Variants in FAM204A observed in about 807,000 individuals in gnomAD.
The protein encoded by FAM204A is protein FAM204A.
FAM204A carries 16 observed loss-of-function variants against 35.4 expected under a neutral mutation model. The observed-to-expected ratio is 0.45, with a 90% CI of 0.31 to 0.69. The LOEUF (loss-of-function observed/expected upper bound fraction) is 0.69, where lower values mean the gene tolerates loss of function less well. FAM204A is among the 30% of genes least tolerant of loss of function. The pLI, the probability that FAM204A is intolerant of heterozygous loss-of-function variation, is 0.07. For synonymous variants in FAM204A, 76 were observed against 86.9 expected, an observed-to-expected ratio of 0.88 and a Z score of 0.70; for missense variants, 240 against 265.7, an observed-to-expected ratio of 0.90 and a Z score of 0.67.
intron 2 of FAM204A, among the ~76,000 whole-genome samples, chr10:118,337,816 G>C (rs566308470): frequency 6.6e-6 from 1 of 152,232 alleles, no homozygotes; most frequent in Admixed American, 6.5e-5. Flanking sequence ...GGTCCTAGGG[G>C]CTCAATAAAT....
intron 2 of FAM204A, among the ~76,000 whole-genome samples, chr10:118,340,958 G>T (rs1024160416): frequency 1.3e-5 from 2 of 152,204 alleles, no homozygotes; most frequent in South Asian, 2.1e-4. Context: ...CGGGGACAAG[G>T]ATTTGCGACT....
chr10:118,302,080 T>A lies in FAM204A; in HGVS notation c.*8777A>T, dbSNP rs1845813950. The A allele has an allele frequency of 6.6e-6, 1 of 152,292 alleles. No individual in the cohort carries two copies. The highest frequency in any genetic ancestry group is 6.5e-5 in the Admixed American group (1 of 15,282). 9.4% of individuals were successfully genotyped at this position (152,292 alleles called of 1,614,324 possible). A position where few individuals can be genotyped will look rare whatever the true frequency, so the allele number is the denominator to read the frequency against. On this transcript the variant is annotated 3_prime_UTR_variant, in exon 9 of 9. Coordinates refer to ENST00000369183, the MANE Select transcript of FAM204A (RefSeq NM_022063.3). ...CGCCTGAGCACTTGCATCTCTATAT[T>A]TCCTAGGTGATGTTGTGTGACACTG...
intron 7 of FAM204A, among the ~76,000 whole-genome samples, chr10:118,324,056 C>T (rs980690612): frequency 4.6e-5 from 7 of 152,070 alleles, no homozygotes; most frequent in African/African-American, 9.7e-5. Flanking sequence ...TTTATGGCAC[C>T]ATTCAACACA....
chr10:118,301,642 G>C lies in FAM204A; in HGVS notation c.*9215C>G, dbSNP rs1219696924. ...CCTTGCTTCCAAGACGTGTAGAAAT[G>C]CAAGAATTGTCCAGAGAATTGTCTC... On this transcript the variant is annotated 3_prime_UTR_variant, in exon 9 of 9. Transcript: ENST00000369183. The C allele has an allele frequency of 6.6e-6, 1 of 152,132 alleles. No individual in the cohort carries two copies. The highest frequency in any genetic ancestry group is 2.4e-5 in the African/African-American group (1 of 41,426). The allele number at this position is 152,132 out of a possible 1,614,324, so 9.4% of individuals were successfully genotyped here. A position where few individuals can be genotyped will look rare whatever the true frequency, so the allele number is the denominator to read the frequency against.
At chr10:118,340,292 G>A (rs941444136) in intron 2 of FAM204A, among the ~76,000 whole-genome samples, 1 of 152,170 alleles carries the variant, frequency 6.6e-6, no homozygotes, top group Non-Finnish European at 1.5e-5. Flanking sequence ...AACCGTTCTA[G>A]ATTGTGCACT....
rs1257714400 is a variant in FAM204A at position 118,299,159 on chromosome 10, G to A, written c.*11698C>T. The A allele has an allele frequency of 2.0e-5, 3 of 152,130 alleles. No homozygotes were observed. The highest frequency in any genetic ancestry group is 7.2e-5 in the African/African-American group (3 of 41,406). The allele number at this position is 152,130 out of a possible 1,614,324, so 9.4% of individuals were successfully genotyped here. ...GGAAAACTGTCTGCCTGATTCTTGA[G>A]TATGCTAATGCCTACACTTTCATCT... On this transcript the variant is annotated 3_prime_UTR_variant, in exon 9 of 9. Coordinates refer to ENST00000369183, the MANE Select transcript of FAM204A (RefSeq NM_022063.3).
In FAM204A at chr10:118,302,615, T is replaced by C. The variant is rs1331254322; in HGVS notation, c.*8242A>G. On this transcript the variant is annotated 3_prime_UTR_variant, in exon 9 of 9. Transcript: ENST00000369183. ...ATTTTCTTTTTCTCTTTTTGAGCAC[T>C]GCTGGCAAGGAAGCAAGTACCAAGC... The C allele has an allele frequency of 1.3e-5, 2 of 152,242 alleles. No homozygotes were observed. The highest frequency in any genetic ancestry group is 4.8e-5 in the African/African-American group (2 of 41,468). The allele number at this position is 152,242 out of a possible 1,614,324, so 9.4% of individuals were successfully genotyped here.
chr10:118,338,214 A>T (rs1241554126), intron 2 of FAM204A, among the ~76,000 whole-genome samples: 5 of 152,218 alleles, frequency 3.3e-5, no homozygotes, highest in Non-Finnish European at 7.3e-5. Context: ...TAAAACCCAG[A>T]TCTATCCCTA....
At chr10:118,340,229 T>G (rs1846454149) in intron 2 of FAM204A, among the ~76,000 whole-genome samples, 1 of 152,180 alleles carries the variant, frequency 6.6e-6, no homozygotes, top group Admixed American at 6.5e-5. Context: ...TAAGGTTGAG[T>G]AGACACAATC....
In FAM204A at chr10:118,299,013, T is replaced by C. The variant is rs1845779044; in HGVS notation, c.*11844A>G. On this transcript the variant is annotated 3_prime_UTR_variant, in exon 9 of 9. Coordinates refer to ENST00000369183, the MANE Select transcript of FAM204A (RefSeq NM_022063.3). ...CTGCTTCACTCTAGAGAAGCCAAAA[T>C]GGCGGCTGTAATCCTTCTCTGGCCC... The C allele has an allele frequency of 6.6e-6, 1 of 152,210 alleles. No individual in the cohort carries two copies. Among genetic ancestry groups the C allele is most frequent in the South Asian group, 2.1e-4 (1 of 4,828 alleles). The allele number at this position is 152,210 out of a possible 1,614,324, so 9.4% of individuals were successfully genotyped here. A position where few individuals can be genotyped will look rare whatever the true frequency, so the allele number is the denominator to read the frequency against.
rs535453348 is a variant in FAM204A, at chr10:118,337,900, G to C, written c.-8-1477C>G. Among the ~76,000 whole-genome samples, 409 of 152,132 alleles carry C rather than the reference G, an allele frequency of 2.7e-3. 3 individuals carry two copies. Among genetic ancestry groups the C allele is most frequent in the African/African-American group, 9.1e-3 (376 of 41,490 alleles). On this transcript the variant is annotated intron_variant, in intron 2 of 8. Transcript: ENST00000369183. Reference sequence around the variant, plus strand: ...TTATCATTTCTATTATGAGTGACAGGGTTCATAAGATAGTTTTGAAGTTTC... The same window carrying C: ...TTATCATTTCTATTATGAGTGACAGCGTTCATAAGATAGTTTTGAAGTTTC...
chr10:118,321,169 T>C (rs1423145778), intron 7 of FAM204A, among the ~76,000 whole-genome samples: 4 of 151,384 alleles, frequency 2.6e-5, no homozygotes, highest in Non-Finnish European at 4.4e-5. Flanking sequence ...ATATACCTGA[T>C]TTCCAAAAGG....
intron 6 of FAM204A, among the ~76,000 whole-genome samples, chr10:118,332,103 T>G (rs1846298272): frequency 7.4e-6 from 1 of 135,434 alleles, no homozygotes; most frequent in Non-Finnish European, 1.5e-5. Flanking sequence ...ACCTGGGAAG[T>G]GGAGGATGCA....
intron 7 of FAM204A, chr10:118,322,250 T>C (rs1846129330): frequency 4.5e-6 from 2 of 444,676 alleles, no homozygotes; most frequent in African/African-American, 2.0e-5. Context: ...AAGACACTTA[T>C]TTATTCCAAA....
At chr10:118,314,243 A>T (rs1845996463) in intron 7 of FAM204A, among the ~76,000 whole-genome samples, 1 of 152,226 alleles carries the variant, frequency 6.6e-6, no homozygotes, top group African/African-American at 2.4e-5. Flanking sequence ...TATAAAAGGT[A>T]TATTTTCTAA....
chr10:118,325,247 T>A (rs1414263676), intron 7 of FAM204A, among the ~76,000 whole-genome samples: 1 of 152,096 alleles, frequency 6.6e-6, no homozygotes, highest in African/African-American at 2.4e-5. Flanking sequence ...TCAGATATAA[T>A]GATGGAAGAG....
intron 2 of FAM204A, among the ~76,000 whole-genome samples, chr10:118,338,452 TAAAAC>T (rs1279585074): frequency 6.6e-6 from 1 of 152,236 alleles, no homozygotes; most frequent in African/African-American, 2.4e-5. Flanking sequence ...TTTAAGGACT[TAAAAC>T]AGTAACAAAT....
At chr10:118,335,929 C>G in intron 3 of FAM204A, 1 of 538,360 alleles carries the variant, frequency 1.9e-6, no homozygotes. Flanking sequence ...ATGTACCACG[C>G]TAGGCAAACA....
At chr10:118,328,756 G>C (rs1315182335) in intron 6 of FAM204A, among the ~76,000 whole-genome samples, 1 of 152,118 alleles carries the variant, frequency 6.6e-6, no homozygotes, top group Non-Finnish European at 1.5e-5. Context: ...CTCCCAAAGT[G>C]CTGGGATTAC....
Sources: allele counts gnomAD v4.1 joint callset (sites outside exome capture counted in the v4.1 genomes callset), GRCh38; gene constraint gnomAD v4.1.1; transcripts MANE v1.5; gene names NCBI Gene and HGNC (gene_info 2026-07-23, HGNC 2026-07-21).